The following KCNIP4 variants were observed in gnomAD, a reference collection of about 807,000 sequenced individuals.
KCNIP4 encodes potassium voltage-gated channel interacting protein 4.
In KCNIP4, 12 loss-of-function variants were observed where a neutral mutation model predicts 34.0. That is an observed-to-expected ratio of 0.35 (90% CI 0.23 to 0.57). The LOEUF (loss-of-function observed/expected upper bound fraction) is 0.57. KCNIP4 is among the 20% of genes least tolerant of loss of function. KCNIP4 has a pLI of 0.83. For missense variants in KCNIP4, 238 were observed against 311.7 expected (o/e 0.76, Z 1.78); for synonymous variants, 124 against 102.2 (o/e 1.21, Z -1.29).
At chr4:21,839,382 A>C (rs1319810283) in intron 1 of KCNIP4, among the ~76,000 whole-genome samples, 1 of 152,182 alleles carries the variant, frequency 6.6e-6, no homozygotes, top group East Asian at 1.9e-4. Flanking sequence ...CTTCCAGAGG[A>C]ACTTTAAAAC....
At chr4:21,199,319 G>A (rs890552595) in intron 1 of KCNIP4, among the ~76,000 whole-genome samples, 12 of 152,124 alleles carry the variant, frequency 7.9e-5, no homozygotes, top group African/African-American at 2.7e-4. Context: ...TTCTCTGATG[G>A]CCAGTGATGA....
At chr4:20,960,102 A>G (rs1733703643) in intron 1 of KCNIP4, among the ~76,000 whole-genome samples, 1 of 152,130 alleles carries the variant, frequency 6.6e-6, no homozygotes, top group African/African-American at 2.4e-5. Context: ...TTTTTTGCAT[A>G]TTTCTTCCTT....
chr4:21,082,570 C>T (rs1746090605), intron 1 of KCNIP4, among the ~76,000 whole-genome samples: 1 of 151,620 alleles, frequency 6.6e-6, no homozygotes, highest in Admixed American at 6.6e-5. Flanking sequence ...TCTTACTTTC[C>T]ACTCTATTGG....
chr4:21,098,269 G>T (rs1183359157), intron 1 of KCNIP4, among the ~76,000 whole-genome samples: 1 of 152,184 alleles, frequency 6.6e-6, no homozygotes, highest in Non-Finnish European at 1.5e-5. Context: ...AGAAGATCTA[G>T]CTAAGAAAAT....
At chr4:20,754,189 G>C (rs2149350396) in intron 4 of KCNIP4, among the ~76,000 whole-genome samples, 2 of 152,242 alleles carry the variant, frequency 1.3e-5, no homozygotes, top group South Asian at 4.1e-4. Context: ...GCCAACAAGA[G>C]GCTTTTGTTC....
intron 1 of KCNIP4, among the ~76,000 whole-genome samples, chr4:21,257,563 T>C (rs1560222948): frequency 6.6e-6 from 1 of 151,646 alleles, no homozygotes; most frequent in South Asian, 2.1e-4. Flanking sequence ...GCCTGACAAA[T>C]ATGGTGAAAC....
At chr4:21,824,095 T>C (rs140491995) in intron 1 of KCNIP4, among the ~76,000 whole-genome samples, 50 of 152,264 alleles carry the variant, frequency 3.3e-4, no homozygotes, top group African/African-American at 1.2e-3. Context: ...ACAACCACCT[T>C]TGCAAAATAT....
chr4:21,316,027 C>T (rs1386917364), intron 1 of KCNIP4, among the ~76,000 whole-genome samples: 1 of 152,164 alleles, frequency 6.6e-6, no homozygotes, highest in Non-Finnish European at 1.5e-5. Flanking sequence ...AGGGTGATTC[C>T]TCCAACTGCT....
At chr4:21,623,687 G>A (rs1173512717) in intron 1 of KCNIP4, among the ~76,000 whole-genome samples, 1 of 151,624 alleles carries the variant, frequency 6.6e-6, no homozygotes, top group East Asian at 1.9e-4. Flanking sequence ...CAGCTTAGTA[G>A]TTACCAATAG....
At chr4:21,772,778 C>T (rs1718890027) in intron 1 of KCNIP4, among the ~76,000 whole-genome samples, 1 of 152,086 alleles carries the variant, frequency 6.6e-6, no homozygotes. Flanking sequence ...CCCCCTTTAT[C>T]ATTTTTTATT....
chr4:20,845,684 G>T lies in KCNIP4; in HGVS notation c.288+4859C>A, dbSNP rs542519718. 3.3e-4 allele frequency among the ~76,000 whole-genome samples: 50 copies of T among 152,296 alleles called. 1 individual carries two copies. Among genetic ancestry groups the T allele is most frequent in the Middle Eastern group, 6.8e-3 (2 of 294 alleles). On this transcript the variant is annotated intron_variant, in intron 3 of 8. Coordinates refer to ENST00000382152, the MANE Select transcript of KCNIP4 (RefSeq NM_025221.6). ...TAGAGGACTAGAGAGACCCTCCGTTGTTGGCTTTGAAGAATCCAGCTGCCA... is the reference window on the plus strand; with the variant it reads ...TAGAGGACTAGAGAGACCCTCCGTTTTTGGCTTTGAAGAATCCAGCTGCCA...
At chr4:20,840,039 T>C (rs1301206384) in intron 3 of KCNIP4, among the ~76,000 whole-genome samples, 1 of 152,208 alleles carries the variant, frequency 6.6e-6, no homozygotes, top group Non-Finnish European at 1.5e-5. Context: ...ATATGGTTTA[T>C]GTTGAACATC....
intron 1 of KCNIP4, among the ~76,000 whole-genome samples, chr4:21,396,267 G>T (rs1722988426): frequency 6.6e-6 from 1 of 151,750 alleles, no homozygotes; most frequent in African/African-American, 2.4e-5. Context: ...TAAAAATGAG[G>T]ATCCTGGGCC....
chr4:21,889,782 A>G (rs1229003223), intron 1 of KCNIP4, among the ~76,000 whole-genome samples: 4 of 152,204 alleles, frequency 2.6e-5, no homozygotes, highest in Non-Finnish European at 1.5e-5. Flanking sequence ...GGGACCACAC[A>G]GGCCAGGCAA....
chr4:21,883,706 C>A (rs1726594247), intron 1 of KCNIP4, among the ~76,000 whole-genome samples: 1 of 152,004 alleles, frequency 6.6e-6, no homozygotes, highest in Admixed American at 6.6e-5. Context: ...CATTCTGTAT[C>A]TTTTTTCGGC....
chr4:21,902,155 A>C (rs1440273753), intron 1 of KCNIP4, among the ~76,000 whole-genome samples: 1 of 152,128 alleles, frequency 6.6e-6, no homozygotes, highest in African/African-American at 2.4e-5. Flanking sequence ...AGAGGGAAGG[A>C]ATGAACAGAA....
At chr4:20,924,445 T>A (rs1203414271) in intron 1 of KCNIP4, among the ~76,000 whole-genome samples, 1 of 152,234 alleles carries the variant, frequency 6.6e-6, no homozygotes, top group Non-Finnish European at 1.5e-5. Flanking sequence ...ATCCTCCAGT[T>A]TCATTCCCCT....
intron 1 of KCNIP4, among the ~76,000 whole-genome samples, chr4:21,548,577 TAAA>T (rs199828998): frequency 3.4e-5 from 5 of 145,980 alleles, no homozygotes; most frequent in Middle Eastern, 3.6e-3. Context: ...CTCTGAAGTC[TAAA>T]AAAAAAAAGC....
intron 1 of KCNIP4, among the ~76,000 whole-genome samples, chr4:21,818,878 C>T (rs1722150353): frequency 6.6e-6 from 1 of 150,922 alleles, no homozygotes; most frequent in African/African-American, 2.4e-5. Context: ...CAACAAAACA[C>T]TTTTTTTTCT....
Sources: gnomAD v4.1 joint callset for allele counts (sites outside exome capture counted in the v4.1 genomes callset) on GRCh38, gnomAD v4.1.1 for gene constraint, MANE v1.5 for transcripts, NCBI Gene and HGNC (gene_info 2026-07-23, HGNC 2026-07-21) for gene names.